The following GPC1 variants were observed in gnomAD, a reference collection of about 807,000 sequenced individuals.
GPC1 encodes the protein glypican 1.
In GPC1, 26 loss-of-function variants were observed where a neutral mutation model predicts 51.5. That is an observed-to-expected ratio of 0.50 (90% CI 0.37 to 0.70). The LOEUF (loss-of-function observed/expected upper bound fraction) is 0.70. Ranked by LOEUF, GPC1 falls within the 30% of genes least tolerant of loss-of-function variation. The probability of loss-of-function intolerance (pLI) is 0.00; values close to 1 mark genes in which losing one functional copy is unlikely to be tolerated. For missense variants in GPC1, 775 were observed against 800.5 expected (o/e 0.97, Z 0.38); for synonymous variants, 380 against 348.3 (o/e 1.09, Z -1.01).
intron 1 of GPC1, among the ~76,000 whole-genome samples, chr2:240,457,253 C>T (rs2074174417): frequency 6.6e-6 from 1 of 152,168 alleles, no homozygotes; most frequent in African/African-American, 2.4e-5. Context: ...GAACCCCTAC[C>T]TCGGCCCTCC....
At chr2:240,454,860 GCTGGGT>G (rs1488487561) in intron 1 of GPC1, 2 of 174,812 alleles carry the variant, frequency 1.1e-5, no homozygotes, top group African/African-American at 4.8e-5. Flanking sequence ...CAGCTGCCAG[GCTGGGT>G]CTGGACAAAT....
chr2:240,458,264 C>T, intron 1 of GPC1: 2 of 325,642 alleles, frequency 6.1e-6, no homozygotes, highest in Non-Finnish European at 1.3e-5. Context: ...GGGCTGAGAG[C>T]TGACTCAAAG....
At chr2:240,445,488 C>T (rs759989686) in intron 1 of GPC1, among the ~76,000 whole-genome samples, 8 of 152,104 alleles carry the variant, frequency 5.3e-5, no homozygotes, top group Non-Finnish European at 7.4e-5. Flanking sequence ...ATAGGCAGAA[C>T]CACGCCAGGG....
Position 240,463,759 on chromosome 2 carries a change from C to G in GPC1, c.883+247C>G. 5 of 547,564 alleles carry G rather than the reference C, an allele frequency of 9.1e-6. 1 individual carries two copies. The South Asian group carries it at 1.2e-4, about 13-fold the overall frequency. The allele number at this position is 547,564 out of a possible 1,614,324, so 33.9% of individuals were successfully genotyped here. On this transcript the variant is annotated intron_variant, in intron 4 of 8. Transcript: ENST00000264039. ...GCCCTGTGGGGTCATAGTTTCTTGT[C>G]CTTCCCCACTTAGCAAGCACCTCGG... is the stretch of plus-strand genomic sequence containing the variant.
chr2:240,464,786 G>T lies in GPC1; in HGVS notation c.1014+40G>T, dbSNP rs199968308. ...ACGTGACGAGCACAGCGGGGTGGGG[G>T]TCCTGGATGTGGCCCCATTGGGCTT... is the stretch of plus-strand genomic sequence containing the variant. On this transcript the variant is annotated intron_variant, in intron 5 of 8. Coordinates refer to ENST00000264039, the MANE Select transcript of GPC1 (RefSeq NM_002081.3). The T allele has an allele frequency of 3.8e-6, 6 of 1,580,118 alleles. No individual in the cohort carries two copies. The East Asian group carries it at 7.0e-5, about 18-fold the overall frequency.
rs775436823 is a variant in GPC1 at position 240,464,683 on chromosome 2, G to C, written c.951G>C (p.Val317=). 14 of 1,613,036 alleles carry C rather than the reference G, an allele frequency of 8.7e-6. No homozygotes were observed. The highest frequency in any genetic ancestry group is 1.1e-5 in the Non-Finnish European group (13 of 1,179,818). Residue 317 remains valine, a synonymous_variant, in exon 5 of 9, where the codon GTG becomes GTC. Transcript: ENST00000264039. ...TSGVESVIGS[V]HTWLAEAINA... ...GTGTGGAGAGTGTCATCGGCAGCGT[G>C]CACACGTGGCTGGCGGAGGCCATCA... is the stretch of plus-strand genomic sequence containing the variant.
At position 240,466,592 on chromosome 2, in the gene GPC1, G is replaced by A. The variant is rs572696188; in HGVS notation, c.*302G>A. The A allele has an allele frequency of 2.0e-4, 80 of 392,348 alleles. No homozygotes were observed. The highest frequency in any genetic ancestry group is 9.8e-4 in the African/African-American group (48 of 49,198). 24.3% of individuals were successfully genotyped at this position (392,348 alleles called of 1,614,324 possible). ...CCTCCCCCCAGCTCCCTGCACCGCC[G>A]CAGAAGCAGCCCCTCGAGGCCTACA... On this transcript the variant is annotated 3_prime_UTR_variant, in exon 9 of 9. Transcript: ENST00000264039.
chr2:240,461,119 C>T (rs1043055173), intron 2 of GPC1, among the ~76,000 whole-genome samples: 7 of 152,358 alleles, frequency 4.6e-5, no homozygotes, highest in East Asian at 1.9e-4. Flanking sequence ...CGCCCCTTTC[C>T]GGGACAGGCC....
chr2:240,455,661 C>A (rs1053413464), intron 1 of GPC1, among the ~76,000 whole-genome samples: 1 of 152,074 alleles, frequency 6.6e-6, no homozygotes, highest in South Asian at 2.1e-4. Flanking sequence ...TGGGGAGGCC[C>A]CTGGGTGGGG....
At chr2:240,447,687 C>T (rs781520999) in intron 1 of GPC1, among the ~76,000 whole-genome samples, 34 of 152,348 alleles carry the variant, frequency 2.2e-4, no homozygotes, top group Non-Finnish European at 3.7e-4. Context: ...GGCTCCACAC[C>T]GGCTGTGTGC....
chr2:240,451,337 G>T, intron 1 of GPC1: 1 of 450,074 alleles, frequency 2.2e-6, no homozygotes, highest in Non-Finnish European at 4.6e-6. Flanking sequence ...GCCCCCTGTG[G>T]GTGTAGCAGA....
intron 2 of GPC1, among the ~76,000 whole-genome samples, chr2:240,461,943 A>T (rs1024969228): frequency 4.6e-5 from 7 of 152,046 alleles, no homozygotes; most frequent in Non-Finnish European, 2.9e-5. Flanking sequence ...CTGGAGCCCC[A>T]GTCAGAGGCC....
intron 1 of GPC1, chr2:240,455,946 C>A: frequency 2.5e-6 from 1 of 395,530 alleles, no homozygotes; most frequent in Admixed American, 3.0e-5. Flanking sequence ...ATCCAGCCTG[C>A]CCGAGGCTCC....
At chr2:240,444,599 G>C (rs559871124) in intron 1 of GPC1, among the ~76,000 whole-genome samples, 29 of 152,288 alleles carry the variant, frequency 1.9e-4, no homozygotes, top group Non-Finnish European at 3.8e-4. Context: ...GCCATCAGCA[G>C]TGGGACCTGT....
rs560624884 is a variant in GPC1, at chr2:240,459,229, G to A, written c.325+41G>A. On this transcript the variant is annotated intron_variant, in intron 2 of 8. Transcript: ENST00000264039. ...GGGCGCTCGGGGCCCGCAGGGTGCC[G>A]GTGCATCGGGGGAGGGGCACACTGG... 1.1e-4 allele frequency: 175 copies of A among 1,576,040 alleles called. 1 individual carries two copies. The highest frequency in any genetic ancestry group is 1.4e-4 in the Non-Finnish European group (162 of 1,156,224).
rs2073981527 is a variant in GPC1 at position 240,436,054 on chromosome 2, C to T, written c.136C>T (p.Leu46=). ...RQIYGAKGFS[L]SDVPQAEISG... ...GATCTACGGAGCCAAGGGCTTCAGC[C>T]TGAGCGACGTGCCCCAGGCGGAGAT... Residue 46 remains leucine (L), a synonymous_variant, in exon 1 of 9, where the codon CTG becomes TTG. Coordinates refer to ENST00000264039, the MANE Select transcript of GPC1 (RefSeq NM_002081.3). 1.5e-6 allele frequency: 2 copies of T among 1,339,512 alleles called. No individual in the cohort carries two copies. The highest frequency in any genetic ancestry group is 1.9e-6 in the Non-Finnish European group (2 of 1,043,138). The allele number at this position is 1,339,512 out of a possible 1,614,324, so 83.0% of individuals were successfully genotyped here.
At chr2:240,440,361 C>T (rs1321238140) in intron 1 of GPC1, among the ~76,000 whole-genome samples, 5 of 152,220 alleles carry the variant, frequency 3.3e-5, no homozygotes, top group South Asian at 2.1e-4. Flanking sequence ...CCTGGTGAAG[C>T]GCTCCTCTTA....
intron 1 of GPC1, chr2:240,455,953 C>T: frequency 2.5e-6 from 1 of 407,498 alleles, no homozygotes; most frequent in Admixed American, 2.8e-5. Flanking sequence ...CTGCCCGAGG[C>T]TCCCAGGCCT....
chr2:240,446,085 G>A (rs971380044), intron 1 of GPC1, among the ~76,000 whole-genome samples: 11 of 152,272 alleles, frequency 7.2e-5, no homozygotes, highest in South Asian at 2.1e-4. Context: ...GAGAAAGTCC[G>A]GCTGACCTGA....
Sources: gnomAD v4.1 joint callset for allele counts (sites outside exome capture counted in the v4.1 genomes callset) on GRCh38, gnomAD v4.1.1 for gene constraint, MANE v1.5 for transcripts, NCBI Gene and HGNC (gene_info 2026-07-23, HGNC 2026-07-21) for gene names.